The following LRP11 variants were observed in gnomAD, a reference collection of about 807,000 sequenced individuals.
LRP11 encodes the protein LDL receptor related protein 11.
LRP11 carries 25 observed loss-of-function variants against 43.1 expected under a neutral mutation model. The ratio of observed to expected loss-of-function variants is 0.58; its 90% CI spans 0.42 to 0.81. LRP11 has a LOEUF of 0.81. LRP11 is among the 30% of genes least tolerant of loss of function. The pLI is 0.00. For synonymous variants in LRP11, 316 were observed against 299.4 expected, an observed-to-expected ratio of 1.06 and a Z score of -0.57; for missense variants, 623 against 665.1, an observed-to-expected ratio of 0.94 and a Z score of 0.70.
Position 149,827,128 on chromosome 6 carries a change from C to T in LRP11, c.1253-769G>A, listed in dbSNP as rs1391990033. On this transcript the variant is annotated intron_variant, in intron 5 of 6. Coordinates refer to ENST00000239367, the MANE Select transcript of LRP11 (RefSeq NM_032832.6). The surrounding 1 kb of genome is among the most constrained non-coding windows in gnomAD (Gnocchi z 4.2). ...ATTACAGGTGCGTGCCACCATGCCT[C>T]GCTAATTTTTGTATTTTTAGTAGAG... Among the ~76,000 whole-genome samples, 5 of 151,676 alleles carry T rather than the reference C, an allele frequency of 3.3e-5. No individual in the cohort carries two copies. Among genetic ancestry groups the T allele is most frequent in the Admixed American group, 6.6e-5 (1 of 15,210 alleles).
intron 2 of LRP11, among the ~76,000 whole-genome samples, chr6:149,846,068 C>T (rs893822346): frequency 6.6e-6 from 1 of 152,168 alleles, no homozygotes; most frequent in Non-Finnish European, 1.5e-5. Flanking sequence ...CTGCTGTCTC[C>T]TTTTTTCTGG....
chr6:149,840,264 T>C (rs1171146685), intron 3 of LRP11, among the ~76,000 whole-genome samples: 1 of 152,218 alleles, frequency 6.6e-6, no homozygotes, highest in Non-Finnish European at 1.5e-5. Flanking sequence ...CTCTCTGTGG[T>C]GTTTTATTAA....
intron 5 of LRP11, among the ~76,000 whole-genome samples, chr6:149,834,003 C>T (rs1041757817): frequency 6.6e-6 from 1 of 152,136 alleles, no homozygotes; most frequent in African/African-American, 2.4e-5. Flanking sequence ...ATTAGCTGTT[C>T]TGCCTGATGC....
chr6:149,856,223 A>C (rs79839557), intron 1 of LRP11, among the ~76,000 whole-genome samples: 1,655 of 152,346 alleles, frequency 0.011, 28 homozygotes, highest in African/African-American at 0.038. Flanking sequence ...TGGAAGAATC[A>C]GATAAGCGCT....
Position 149,826,336 on chromosome 6 carries a change from T to G in LRP11, c.1276A>C (p.Arg426=), listed in dbSNP as rs202219197. 1 of 1,613,414 alleles carries G rather than the reference T, an allele frequency of 6.2e-7. No homozygotes were observed. Among genetic ancestry groups the G allele is most frequent in the East Asian group, 2.2e-5 (1 of 44,882 alleles). The change falls in exon 6 of 7, where the codon AGA becomes CGA. Residue 426 remains arginine, a synonymous_variant. Coordinates refer to ENST00000239367, the MANE Select transcript of LRP11 (RefSeq NM_032832.6). The part of the protein sequence containing the change: ...MPDSSSSGKN[R]KEESYIFESK... ...TCAAATATATAACTTTCCTCTTTTC[T>G]GTTCTTCCCTGAGGAACTACTATCT... is the stretch of plus-strand genomic sequence containing the variant.
rs762474773 is a variant in LRP11, at chr6:149,863,278, A to G, written c.613+130T>C. The G allele has an allele frequency of 4.9e-6, 6 of 1,233,878 alleles. No homozygotes were observed. The African/African-American group carries it at 9.3e-5, about 19-fold the overall frequency. 76.4% of individuals were successfully genotyped at this position (1,233,878 alleles called of 1,614,324 possible). A position where few individuals can be genotyped will look rare whatever the true frequency, so the allele number is the denominator to read the frequency against. On this transcript the variant is annotated intron_variant, in intron 1 of 6. Coordinates refer to ENST00000239367, the MANE Select transcript of LRP11 (RefSeq NM_032832.6). The stretch of plus-strand genomic sequence containing the variant: ...CCTCTTCCCTAAGACAGAGAAACCC[A>G]TGCCAGAAACTCTTCTGGGTGCCCG...
chr6:149,826,011 A>G (rs1230766584), intron 6 of LRP11: 1 of 456,112 alleles, frequency 2.2e-6, no homozygotes, highest in East Asian at 3.6e-5. Flanking sequence ...CCATGCCACA[A>G]GTATGACATT....
intron 3 of LRP11, chr6:149,842,554 C>T: frequency 3.2e-6 from 4 of 1,253,586 alleles, no homozygotes; most frequent in Non-Finnish European, 4.6e-6. Context: ...TCTCCTTTCC[C>T]AGTCCGTCCC....
chr6:149,847,550 T>G (rs999332745), intron 2 of LRP11, among the ~76,000 whole-genome samples: 1 of 152,192 alleles, frequency 6.6e-6, no homozygotes, highest in Non-Finnish European at 1.5e-5. Context: ...TTACAGTGTT[T>G]CACAGACATG....
chr6:149,831,868 G>C (rs1776412208), intron 5 of LRP11, among the ~76,000 whole-genome samples: 1 of 152,142 alleles, frequency 6.6e-6, no homozygotes, highest in Non-Finnish European at 1.5e-5. Flanking sequence ...TTGCCATGTT[G>C]CTAGGGCTGG....
At chr6:149,821,209 G>A (rs550779199) in intron 6 of LRP11, among the ~76,000 whole-genome samples, 6 of 152,182 alleles carry the variant, frequency 3.9e-5, no homozygotes, top group East Asian at 3.9e-4. Context: ...GATTACAGGC[G>A]TGAGCCACCG....
intron 5 of LRP11, among the ~76,000 whole-genome samples, chr6:149,828,328 T>G (rs908266728): frequency 1.3e-5 from 2 of 152,164 alleles, no homozygotes; most frequent in Non-Finnish European, 2.9e-5. Flanking sequence ...TTTTATTATA[T>G]TTTTACTGCT....
chr6:149,848,295 AGTG>A (rs1776669715), intron 2 of LRP11, among the ~76,000 whole-genome samples: 1 of 152,220 alleles, frequency 6.6e-6, no homozygotes, highest in Admixed American at 6.5e-5. Context: ...CATTGTGAAA[AGTG>A]GTGTACTGTG....
At chr6:149,853,246 T>A (rs189623222) in intron 1 of LRP11, 86 bp from the exon 2 acceptor site, 2 of 1,059,418 alleles carry the variant, frequency 1.9e-6, no homozygotes, top group Non-Finnish European at 1.3e-6. Flanking sequence ...TGAATAGATA[T>A]GATTCGGCAA....
chr6:149,858,018 G>A lies in LRP11; in HGVS notation c.614-4858C>T, dbSNP rs118159197. 6.5e-3 allele frequency among the ~76,000 whole-genome samples: 996 copies of A among 152,216 alleles called. 6 individuals carry two copies. The highest frequency in any genetic ancestry group is 8.6e-3 in the Non-Finnish European group (582 of 67,998). On this transcript the variant is annotated intron_variant, in intron 1 of 6. Transcript: ENST00000239367. Reference sequence around the variant, plus strand: ...GAGGGCTAAGTTACATCACACAGGCGATAAATTTGTCAGATCAGATACTTC... The same window carrying A: ...GAGGGCTAAGTTACATCACACAGGCAATAAATTTGTCAGATCAGATACTTC...
At chr6:149,861,136 T>C (rs1007464963) in intron 1 of LRP11, among the ~76,000 whole-genome samples, 6 of 152,154 alleles carry the variant, frequency 3.9e-5, no homozygotes, top group Admixed American at 2.0e-4. Flanking sequence ...CTAAACCATT[T>C]TCACATGCTC....
chr6:149,843,175 G>A, intron 2 of LRP11, 51 bp from the exon 3 acceptor site: 4 of 1,609,376 alleles, frequency 2.5e-6, no homozygotes, highest in Non-Finnish European at 3.4e-6. Flanking sequence ...TGAGCTCCGA[G>A]CCCAACACCA....
chr6:149,841,730 T>C (rs1037007536), intron 3 of LRP11, among the ~76,000 whole-genome samples: 2 of 152,240 alleles, frequency 1.3e-5, no homozygotes, highest in Admixed American at 1.3e-4. Flanking sequence ...TTGGCCAACA[T>C]GGTGAAACCC....
At position 149,847,017 on chromosome 6, in the gene LRP11, A is replaced by AG. The variant is rs1562443374; in HGVS notation, c.772-3894_772-3893insC. Among the ~76,000 whole-genome samples, 409 of 151,004 alleles carry AG rather than the reference A, an allele frequency of 2.7e-3. 3 individuals are homozygous for AG. Among genetic ancestry groups the AG allele is most frequent in the African/African-American group, 8.9e-3 (362 of 40,508 alleles). ...AGAATAGAATAGAATAGAATAGAAT[A>AG]AACCAAGGAAGCACTGAGGCCAGGG... is the stretch of plus-strand genomic sequence containing the variant. On this transcript the variant is annotated intron_variant, in intron 2 of 6. Transcript: ENST00000239367.
Sources: gnomAD v4.1 joint callset for allele counts (sites outside exome capture counted in the v4.1 genomes callset) on GRCh38, gnomAD v4.1.1 for gene constraint, Gnocchi (gnomAD v3.1) non-coding constraint, MANE v1.5 for transcripts, NCBI Gene and HGNC (gene_info 2026-07-23, HGNC 2026-07-21) for gene names.